Variants in MAP3K9 observed in about 807,000 individuals in gnomAD.
MAP3K9 encodes mitogen-activated protein kinase kinase kinase 9, also known as mixed lineage kinase 1 (tyr and ser/thr specificity).
In MAP3K9, 46 loss-of-function variants were observed where a neutral mutation model predicts 95.8. That is an observed-to-expected ratio of 0.48 (90% CI 0.38 to 0.61). MAP3K9 has a LOEUF of 0.61. Among genes scored for constraint, MAP3K9 ranks in the 20% least tolerant of loss-of-function variants. MAP3K9 has a pLI of 0.00. For synonymous variants in MAP3K9, 533 were observed against 593.8 expected (o/e 0.90, Z 1.49); for missense variants, 1,296 against 1,474.3 (o/e 0.88, Z 1.98).
At chr14:70,808,105 C>T (rs2055011263) in intron 1 of MAP3K9, among the ~76,000 whole-genome samples, 1 of 152,250 alleles carries the variant, frequency 6.6e-6, no homozygotes, top group African/African-American at 2.4e-5. Context: ...CTAATCATCA[C>T]TTGTCTCACC....
At chr14:70,742,065 A>C (rs565475634) in intron 6 of MAP3K9, among the ~76,000 whole-genome samples, 129 of 152,298 alleles carry the variant, frequency 8.5e-4, no homozygotes, top group Admixed American at 1.5e-3. Context: ...GGTTTGCCTA[A>C]AGTGAGATGT....
Position 70,808,944 on chromosome 14 carries a change from G to A in MAP3K9, c.228C>T (p.Gly76=), listed in dbSNP as rs761331238. Residue 76 remains glycine, a synonymous_variant, in exon 1 of 12, where the codon GGC becomes GGT. Transcript: ENST00000554752. ...AGEDELTLRL[G]DVVEVLSKDS... is the part of the protein sequence containing the mutation. The stretch of plus-strand genomic sequence containing the variant: ...CCTTGGACAGCACCTCCACCACGTC[G>A]CCCAGCCGCAGGGTCAGCTCGTCCT... 3 of 1,580,408 alleles carry A rather than the reference G, an allele frequency of 1.9e-6. No individual in the cohort carries two copies. The highest frequency in any genetic ancestry group is 2.6e-6 in the Non-Finnish European group (3 of 1,169,596).
chr14:70,772,246 C>A (rs141765518), intron 2 of MAP3K9, among the ~76,000 whole-genome samples: 43 of 152,342 alleles, frequency 2.8e-4, no homozygotes, highest in African/African-American at 1.0e-3. Flanking sequence ...AGGACTCAGG[C>A]ACAGCAGCCA....
intron 2 of MAP3K9, among the ~76,000 whole-genome samples, chr14:70,798,470 A>ATTTTT (rs1355994940): frequency 2.8e-5 from 3 of 108,342 alleles, no homozygotes; most frequent in Non-Finnish European, 4.0e-5. Flanking sequence ...GGTCACCAAA[A>ATTTTT]GTTTTTTTTT....
chr14:70,761,049 G>A lies in MAP3K9; in HGVS notation c.954C>T (p.Pro318=), dbSNP rs772672526. The A allele has an allele frequency of 7.4e-6, 12 of 1,613,830 alleles. No homozygotes were observed. Among genetic ancestry groups the A allele is most frequent in the East Asian group, 2.2e-5 (1 of 44,880 alleles). Residue 318 remains proline, a synonymous_variant, in exon 3 of 12, where the codon CCC becomes CCT. Transcript: ENST00000554752. ...SAAGTYAWMA[P]EVIRASMFSK... ...AAAACATGGAGGCCCGGATGACTTC[G>A]GGTGCCATCCAAGCATACGTCCCTG...
In MAP3K9 at chr14:70,750,089, G is replaced by A. The variant is rs778722837; in HGVS notation, c.1002-8C>T. On this transcript the variant is annotated splice_polypyrimidine_tract_variant and splice_region_variant and intron_variant, in intron 3 of 11. Transcript: ENST00000554752. ...CAAAGTAGCACCCCATAGCTAAGGA[G>A]AGGAAGAAGACAGAAGCCATGTAAT... 19 of 1,613,920 alleles carry A rather than the reference G, an allele frequency of 1.2e-5. No homozygotes were observed. The highest frequency in any genetic ancestry group is 1.5e-5 in the Non-Finnish European group (18 of 1,179,962).
chr14:70,767,482 T>C (rs1429008191), intron 2 of MAP3K9, among the ~76,000 whole-genome samples: 4 of 151,292 alleles, frequency 2.6e-5, no homozygotes, highest in South Asian at 2.1e-4. Flanking sequence ...CACTTTCCCA[T>C]CTTATTGTTG....
Position 70,791,743 on chromosome 14 carries a change from A to G in MAP3K9, c.820+8924T>C, listed in dbSNP as rs2054809610. ...TCCTCTCGAGGCATGTCCCGTTATC[A>G]GCCATGCTCATGGTACTCACCACAG... On this transcript the variant is annotated intron_variant, in intron 2 of 11. Transcript: ENST00000554752. Among the ~76,000 whole-genome samples, 4 of 152,260 alleles carry G rather than the reference A, an allele frequency of 2.6e-5. No homozygotes were observed. The South Asian group carries it at 8.3e-4, about 31-fold the overall frequency.
intron 2 of MAP3K9, among the ~76,000 whole-genome samples, chr14:70,795,229 C>T (rs2054851648): frequency 6.6e-6 from 1 of 151,968 alleles, no homozygotes; most frequent in Admixed American, 6.6e-5. Flanking sequence ...AACTCCTGAC[C>T]TCGTGATCTG....
chr14:70,775,361 C>G (rs1229127435), intron 2 of MAP3K9, among the ~76,000 whole-genome samples: 1 of 152,136 alleles, frequency 6.6e-6, no homozygotes, highest in Non-Finnish European at 1.5e-5. Context: ...GCGAAAGAGT[C>G]AAGATTTGAA....
intron 9 of MAP3K9, among the ~76,000 whole-genome samples, 159 bp downstream of exon 9, chr14:70,735,802 G>A (rs531690296): frequency 9.9e-5 from 15 of 152,202 alleles, no homozygotes; most frequent in Admixed American, 2.6e-4. Context: ...TTTTCCCAAG[G>A]TGCACAATGG....
chr14:70,732,449 C>T (rs1452702596), intron 11 of MAP3K9, 90 bp downstream of exon 11: 38 of 1,467,448 alleles, frequency 2.6e-5, no homozygotes, highest in Non-Finnish European at 3.3e-5. Context: ...ACTCAAATCC[C>T]GAAGTGGAAA....
intron 2 of MAP3K9, among the ~76,000 whole-genome samples, chr14:70,792,599 G>A (rs992291786): frequency 6.6e-6 from 1 of 151,914 alleles, no homozygotes; most frequent in Non-Finnish European, 1.5e-5. Context: ...ATCCTTTTTC[G>A]AGGCAAGTCT....
Position 70,740,100 on chromosome 14 carries a change from G to C in MAP3K9, c.1632C>G (p.Asn544Lys), listed in dbSNP as rs140979438. Residue 544 changes from asparagine to lysine, a missense_variant, in exon 7 of 12, where the codon AAC (asparagine) becomes AAG (lysine). Asn to Lys is a moderately conservative substitution (Grantham distance 94). This residue lies in a region of MAP3K9 where 377 missense variants were observed against 417.1 expected (regional missense o/e 0.90). Coordinates refer to ENST00000554752, the MANE Select transcript of MAP3K9 (RefSeq NM_001284230.2). ...PTMDKRKSLI[N>K]SRSSPPASPT... ...GGCTTGCAGGAGGACTGGAGCGGCT[G>C]TTGATAAGACTCTTCCTTTTATCCA... 6 of 1,614,168 alleles carry C rather than the reference G, an allele frequency of 3.7e-6. No homozygotes were observed. The African/African-American group carries it at 8.0e-5, about 22-fold the overall frequency.
intron 6 of MAP3K9, among the ~76,000 whole-genome samples, 158 bp downstream of exon 6, chr14:70,742,192 GC>G (rs762813041): frequency 2.5e-4 from 38 of 152,242 alleles, no homozygotes; most frequent in Non-Finnish European, 5.0e-4. Flanking sequence ...TTTTCAACAT[GC>G]CAGTCTTTCC....
chr14:70,771,648 C>T (rs555352297), intron 2 of MAP3K9, among the ~76,000 whole-genome samples: 7 of 152,250 alleles, frequency 4.6e-5, no homozygotes, highest in Non-Finnish European at 1.0e-4. Flanking sequence ...GAGTCTGTAA[C>T]TCCCTGGAAA....
intron 2 of MAP3K9, among the ~76,000 whole-genome samples, chr14:70,790,483 G>C (rs1451199539): frequency 6.6e-6 from 1 of 152,216 alleles, no homozygotes; most frequent in Non-Finnish European, 1.5e-5. Flanking sequence ...CACCCGGCCA[G>C]TCAGTGTCAA....
intron 5 of MAP3K9, 34 bp from the exon 6 acceptor site, chr14:70,742,625 T>G (rs759526850): frequency 1.7e-5 from 27 of 1,607,206 alleles, no homozygotes; most frequent in Non-Finnish European, 2.3e-5. Flanking sequence ...GAGAAAAGAC[T>G]GGGGTGCTCA....
intron 2 of MAP3K9, among the ~76,000 whole-genome samples, chr14:70,789,660 C>T (rs2139841103): frequency 6.6e-6 from 1 of 152,322 alleles, no homozygotes; most frequent in Non-Finnish European, 1.5e-5. Context: ...GGTGTTTCTT[C>T]CATTAGACCA....
Sources: gnomAD v4.1 joint callset for allele counts (sites outside exome capture counted in the v4.1 genomes callset) on GRCh38, gnomAD v4.1.1 for gene constraint, gnomAD v4.1.1 regional missense constraint, MANE v1.5 for transcripts, NCBI Gene and HGNC (gene_info 2026-07-23, HGNC 2026-07-21) for gene names.